Variants in BMPR1B observed in about 807,000 individuals in gnomAD.
BMPR1B encodes bone morphogenetic protein receptor type 1B, also known as bone morphogenetic protein receptor type-1B.
Under a neutral mutation model 59.1 loss-of-function variants are expected in BMPR1B, and 12 were observed. That is an observed-to-expected ratio of 0.20 (90% CI 0.13 to 0.33). BMPR1B has a LOEUF of 0.33. Ranked by LOEUF, BMPR1B falls within the 10% of genes least tolerant of loss-of-function variation. The pLI is 1.00. For synonymous variants in BMPR1B, 237 were observed against 207.3 expected, an observed-to-expected ratio of 1.14 and a Z score of -1.23; for missense variants, 550 against 610.9, an observed-to-expected ratio of 0.90 and a Z score of 1.05.
intron 3 of BMPR1B, among the ~76,000 whole-genome samples, chr4:95,003,801 CTT>C (rs5860385): frequency 4.7e-5 from 4 of 84,560 alleles, no homozygotes; most frequent in African/African-American, 1.4e-4. Flanking sequence ...CAAAGTCCAT[CTT>C]TTTTTTTTTT....
chr4:95,023,210 T>C (rs1724116306), intron 3 of BMPR1B, among the ~76,000 whole-genome samples: 2 of 152,154 alleles, frequency 1.3e-5, no homozygotes, highest in South Asian at 2.1e-4. Flanking sequence ...TTCTCCTCTT[T>C]CCTCAGAGAT....
At chr4:95,153,337 T>C (rs970101999) in intron 12 of BMPR1B, among the ~76,000 whole-genome samples, 6 of 152,044 alleles carry the variant, frequency 3.9e-5, no homozygotes, top group African/African-American at 1.5e-4. Context: ...AAGGAAGAAA[T>C]GAGTCTTGCC....
chr4:95,130,442 A>G (rs565773921), intron 9 of BMPR1B, among the ~76,000 whole-genome samples: 2 of 152,270 alleles, frequency 1.3e-5, no homozygotes, highest in East Asian at 3.9e-4. Flanking sequence ...TTGAGAATTG[A>G]TTTTGTTTCG....
chr4:95,128,940 TTCTC>T (rs1397488146), intron 8 of BMPR1B, among the ~76,000 whole-genome samples: 1 of 152,050 alleles, frequency 6.6e-6, no homozygotes, highest in Non-Finnish European at 1.5e-5. Context: ...TCTTCTCTCA[TTCTC>T]TTTCTTTCTT....
intron 1 of BMPR1B, among the ~76,000 whole-genome samples, chr4:94,792,134 G>GA (rs1309600535): frequency 6.6e-6 from 1 of 152,100 alleles, no homozygotes; most frequent in African/African-American, 2.4e-5. Flanking sequence ...TTCTGACGAT[G>GA]AAAACATTTT....
chr4:94,904,258 G>C (rs187893105), intron 2 of BMPR1B, among the ~76,000 whole-genome samples: 28 of 152,068 alleles, frequency 1.8e-4, no homozygotes, highest in Middle Eastern at 6.8e-3. Flanking sequence ...CAATGTCTGT[G>C]TAGTCATATG....
intron 1 of BMPR1B, among the ~76,000 whole-genome samples, chr4:94,800,447 A>AT (rs71583665): frequency 0.013 from 1,602 of 120,076 alleles, 29 homozygotes; most frequent in African/African-American, 0.032. Flanking sequence ...GGTCTTTACT[A>AT]TTTTTTTTTT....
chr4:94,911,933 C>T (rs551365777), intron 2 of BMPR1B, among the ~76,000 whole-genome samples: 1 of 152,126 alleles, frequency 6.6e-6, no homozygotes, highest in Admixed American at 6.5e-5. Flanking sequence ...TTTCATGCTG[C>T]TTATAAAGAT....
At chr4:94,800,392 G>T (rs1294968937) in intron 1 of BMPR1B, among the ~76,000 whole-genome samples, 1 of 150,982 alleles carries the variant, frequency 6.6e-6, no homozygotes. Flanking sequence ...ATTTGTGTAA[G>T]AATTATTTAG....
chr4:95,150,569 T>C (rs28405083), intron 11 of BMPR1B, among the ~76,000 whole-genome samples: 6,014 of 152,222 alleles, frequency 0.04, 404 homozygotes, highest in African/African-American at 0.14. Flanking sequence ...TTTCTAATTA[T>C]GTTTTCTTGA....
chr4:95,107,316 A>C (rs564688277), intron 4 of BMPR1B, among the ~76,000 whole-genome samples: 1 of 152,182 alleles, frequency 6.6e-6, no homozygotes, highest in South Asian at 2.1e-4. Context: ...AAAAATGGCA[A>C]TCAGATTTAT....
At chr4:94,795,146 G>A (rs1443567374) in intron 1 of BMPR1B, among the ~76,000 whole-genome samples, 1 of 146,430 alleles carries the variant, frequency 6.8e-6, no homozygotes, top group Non-Finnish European at 1.5e-5. Flanking sequence ...GTATGATATT[G>A]GCTGTGGGTT....
intron 2 of BMPR1B, among the ~76,000 whole-genome samples, chr4:94,974,603 A>G (rs1730940695): frequency 6.6e-6 from 1 of 152,216 alleles, no homozygotes; most frequent in South Asian, 2.1e-4. Flanking sequence ...GTGAAGACTG[A>G]GTAAAGCTGT....
intron 2 of BMPR1B, among the ~76,000 whole-genome samples, chr4:94,878,549 T>G (rs1426898029): frequency 2.0e-5 from 3 of 152,172 alleles, no homozygotes; most frequent in African/African-American, 7.2e-5. Flanking sequence ...TTGGCTGCTG[T>G]GCGTCTCCTA....
chr4:95,115,486 A>G (rs983618238), intron 5 of BMPR1B, among the ~76,000 whole-genome samples, 199 bp from the exon 6 acceptor site: 4 of 152,200 alleles, frequency 2.6e-5, no homozygotes, highest in African/African-American at 9.6e-5. Flanking sequence ...ATTTTGTTGA[A>G]ATGCAAAAGT....
At chr4:95,116,441 A>G (rs1732069868) in intron 6 of BMPR1B, among the ~76,000 whole-genome samples, 6 of 151,054 alleles carry the variant, frequency 4.0e-5, no homozygotes, top group African/African-American at 1.2e-4. Flanking sequence ...ACACACACAC[A>G]CACACACACA....
At chr4:94,863,918 A>G (rs138009164) in intron 1 of BMPR1B, among the ~76,000 whole-genome samples, 2,350 of 152,364 alleles carry the variant, frequency 0.015, 58 homozygotes, top group African/African-American at 0.052. Context: ...GTTACAGTTC[A>G]TTAAATGACT....
intron 4 of BMPR1B, among the ~76,000 whole-genome samples, chr4:95,107,895 C>A (rs1169750417): frequency 6.6e-6 from 1 of 151,968 alleles, no homozygotes; most frequent in African/African-American, 2.4e-5. Context: ...ATATGTGACT[C>A]ACAGGGGCCA....
At chr4:94,794,334 T>G (rs990073534) in intron 1 of BMPR1B, among the ~76,000 whole-genome samples, 1 of 151,748 alleles carries the variant, frequency 6.6e-6, no homozygotes, top group African/African-American at 2.4e-5. Flanking sequence ...GCTGCAGATA[T>G]GTGGCGTTAT....
Sources: allele counts gnomAD v4.1 joint callset (sites outside exome capture counted in the v4.1 genomes callset), GRCh38; gene constraint gnomAD v4.1.1; transcripts MANE v1.5; gene names NCBI Gene and HGNC (gene_info 2026-07-23, HGNC 2026-07-21).